Variants in SEMA3E observed in about 807,000 individuals in gnomAD.
SEMA3E encodes semaphorin 3E.
A neutral mutation model predicts 93.6 loss-of-function variants in SEMA3E; 49 were observed. The observed-to-expected ratio is 0.52, with a 90% CI of 0.42 to 0.66. The LOEUF (loss-of-function observed/expected upper bound fraction) is 0.66, where lower values mean the gene tolerates loss of function less well. Among genes scored for constraint, SEMA3E ranks in the 30% least tolerant of loss-of-function variants. The probability of loss-of-function intolerance (pLI) is 0.00; values close to 1 mark genes in which losing one functional copy is unlikely to be tolerated. For missense variants in SEMA3E, 906 were observed against 964.8 expected (o/e 0.94, Z 0.81); for synonymous variants, 363 against 330.7 (o/e 1.10, Z -1.06).
chr7:83,525,901 C>A (rs763005021), intron 1 of SEMA3E, among the ~76,000 whole-genome samples: 8 of 150,994 alleles, frequency 5.3e-5, no homozygotes, highest in Non-Finnish European at 1.0e-4. Flanking sequence ...TCTCTAAGCC[C>A]ATGGGTAGAG....
At chr7:83,429,418 T>G (rs986506992) in intron 4 of SEMA3E, among the ~76,000 whole-genome samples, 3 of 152,186 alleles carry the variant, frequency 2.0e-5, no homozygotes, top group Non-Finnish European at 4.4e-5. Context: ...CTCAAACTCT[T>G]TAATTCCACA....
At chr7:83,513,825 CT>C in intron 1 of SEMA3E, among the ~76,000 whole-genome samples, 1 of 152,190 alleles carries the variant, frequency 6.6e-6, no homozygotes, top group Non-Finnish European at 1.5e-5. Flanking sequence ...CTGGTAAAAT[CT>C]CTTCAAGGCT....
At chr7:83,392,839 C>T in intron 13 of SEMA3E, 118 bp from the exon 14 acceptor site, 1 of 959,940 alleles carries the variant, frequency 1.0e-6, no homozygotes, top group Non-Finnish European at 1.6e-6. Context: ...AAATTTAATT[C>T]ACTTAAATTA....
At chr7:83,512,046 T>C (rs1450122831) in intron 1 of SEMA3E, among the ~76,000 whole-genome samples, 2 of 152,190 alleles carry the variant, frequency 1.3e-5, no homozygotes, top group African/African-American at 4.8e-5. Flanking sequence ...ATTCATTAGT[T>C]TTATTTTTTT....
At chr7:83,409,907 A>G in intron 5 of SEMA3E, among the ~76,000 whole-genome samples, 1 of 151,754 alleles carries the variant, frequency 6.6e-6, no homozygotes, top group South Asian at 2.1e-4. Flanking sequence ...ATTAAATTAT[A>G]TATAAGACAA....
At position 83,493,590 on chromosome 7, in the gene SEMA3E, A is replaced by G. The variant is rs1028692945; in HGVS notation, c.116-3316T>C. ...AAACAGACTATAGTTTTCTTTAAAC[A>G]TTTCATAATATAAAAAAAGAAAAAT... is the stretch of plus-strand genomic sequence containing the variant. On this transcript the variant is annotated intron_variant, in intron 1 of 16. Coordinates refer to ENST00000643230, the MANE Select transcript of SEMA3E (RefSeq NM_012431.3). Among the ~76,000 whole-genome samples the G allele has an allele frequency of 5.3e-5, 8 of 152,080 alleles. No individual in the cohort carries two copies. The East Asian group carries it at 1.2e-3, about 22-fold the overall frequency.
chr7:83,582,627 C>G (rs929216381), intron 1 of SEMA3E, among the ~76,000 whole-genome samples: 5 of 151,990 alleles, frequency 3.3e-5, no homozygotes, highest in Non-Finnish European at 7.4e-5. Context: ...AAAATAATGA[C>G]CAATATTTTA....
intron 1 of SEMA3E, among the ~76,000 whole-genome samples, chr7:83,571,914 T>C (rs900823270): frequency 2.6e-5 from 4 of 152,116 alleles, no homozygotes; most frequent in African/African-American, 7.2e-5. Context: ...ATCAGTAGCA[T>C]TTTTATGCAC....
rs1172535178 is a variant in SEMA3E at position 83,435,489 on chromosome 7, A to AGGAGGCCGAGGCAGGAGAATTGCT, written c.457-17030_457-17007dup. Among the ~76,000 whole-genome samples, 38 of 152,176 alleles carry AGGAGGCCGAGGCAGGAGAATTGCT rather than the reference A, an allele frequency of 2.5e-4. 2 individuals are homozygous for AGGAGGCCGAGGCAGGAGAATTGCT. In the South Asian group the frequency reaches 7.9e-3, roughly 32 times the overall value. On this transcript the variant is annotated intron_variant, in intron 4 of 16. Transcript: ENST00000643230. ...CACAAGCCTGTAATCCCAGCTGCCC[A>AGGAGGCCGAGGCAGGAGAATTGCT]GGAGGCCGAGGCAGGAGAATTGCTG...
chr7:83,568,588 A>G (rs1228916522), intron 1 of SEMA3E, among the ~76,000 whole-genome samples: 1 of 152,162 alleles, frequency 6.6e-6, no homozygotes, highest in Non-Finnish European at 1.5e-5. Flanking sequence ...ACCAATAATC[A>G]TAATACATAA....
intron 2 of SEMA3E, among the ~76,000 whole-genome samples, chr7:83,484,896 C>T (rs2713189): frequency 0.42 from 64,151 of 151,910 alleles, 14,742 homozygotes; most frequent in East Asian, 0.63. Context: ...ATAAATGAAT[C>T]AAGGGAAGAG....
chr7:83,602,568 C>A (rs999728527), intron 1 of SEMA3E, among the ~76,000 whole-genome samples: 6 of 151,954 alleles, frequency 3.9e-5, no homozygotes, highest in African/African-American at 1.5e-4. Context: ...ACCTCCGCCT[C>A]CTGGGTTCAA....
chr7:83,547,700 G>T (rs1791679866), intron 1 of SEMA3E, among the ~76,000 whole-genome samples: 1 of 152,016 alleles, frequency 6.6e-6, no homozygotes, highest in Non-Finnish European at 1.5e-5. Context: ...AAAACCTCTT[G>T]GTTGCTGCTA....
In SEMA3E at chr7:83,394,358, TTC is replaced by T. The variant is rs1788078527; in HGVS notation, c.1459-22_1459-21del. On this transcript the variant is annotated intron_variant, in intron 12 of 16. Coordinates refer to ENST00000643230, the MANE Select transcript of SEMA3E (RefSeq NM_012431.3). ...TGGATCCTGAAATTTTAAAAAAGTT[TTC>T]ATTTTTAAGAAAACAGTATAAAAAC... 6.2e-7 allele frequency: 1 copy of T among 1,603,636 alleles called. No individual in the cohort carries two copies. The highest frequency in any genetic ancestry group is 2.2e-5 in the East Asian group (1 of 44,664).
chr7:83,544,731 T>G (rs1328992545), intron 1 of SEMA3E, among the ~76,000 whole-genome samples: 4 of 152,104 alleles, frequency 2.6e-5, no homozygotes, highest in Non-Finnish European at 5.9e-5. Context: ...TATCTCTGAA[T>G]CTAAGCCTTG....
At chr7:83,524,070 T>C (rs1432610238) in intron 1 of SEMA3E, among the ~76,000 whole-genome samples, 1 of 152,138 alleles carries the variant, frequency 6.6e-6, no homozygotes, top group East Asian at 1.9e-4. Flanking sequence ...TCATAAACAA[T>C]ATAAACCAAC....
chr7:83,470,965 A>G (rs561789548), intron 2 of SEMA3E, among the ~76,000 whole-genome samples: 30 of 151,238 alleles, frequency 2.0e-4, no homozygotes, highest in Admixed American at 3.3e-4. Flanking sequence ...TTGATTATAC[A>G]TTAGTCTACA....
chr7:83,540,550 G>A (rs1339680415), intron 1 of SEMA3E, among the ~76,000 whole-genome samples: 1 of 152,112 alleles, frequency 6.6e-6, no homozygotes, highest in Admixed American at 6.5e-5. Flanking sequence ...GAATAATTTA[G>A]TAACTAGATA....
intron 4 of SEMA3E, among the ~76,000 whole-genome samples, chr7:83,426,773 T>C (rs963886127): frequency 2.0e-5 from 3 of 152,200 alleles, no homozygotes; most frequent in African/African-American, 7.2e-5. Flanking sequence ...CATGCTTCCT[T>C]GGGACTGCCT....
Sources: gnomAD v4.1 joint callset for allele counts (sites outside exome capture counted in the v4.1 genomes callset) on GRCh38, gnomAD v4.1.1 for gene constraint, MANE v1.5 for transcripts, NCBI Gene and HGNC (gene_info 2026-07-23, HGNC 2026-07-21) for gene names.